KLHL1: variants seen among roughly 807,000 people sequenced by gnomAD.
KLHL1 encodes kelch like family member 1.
Under a neutral mutation model 77.7 loss-of-function variants are expected in KLHL1, and 47 were observed. That is an observed-to-expected ratio of 0.60 (90% CI 0.48 to 0.77). KLHL1 has a LOEUF of 0.77. Ranked by LOEUF, KLHL1 falls within the 30% of genes least tolerant of loss-of-function variation. KLHL1 has a pLI of 0.00. For missense variants in KLHL1, 925 were observed against 910.8 expected, an observed-to-expected ratio of 1.02 and a Z score of -0.20; for synonymous variants, 360 against 325.2, an observed-to-expected ratio of 1.11 and a Z score of -1.15.
At chr13:69,873,840 T>C (rs1880670636) in intron 5 of KLHL1, among the ~76,000 whole-genome samples, 1 of 152,136 alleles carries the variant, frequency 6.6e-6, no homozygotes, top group African/African-American at 2.4e-5. Flanking sequence ...AAAATTTGAG[T>C]ATTGTCTGTG....
chr13:69,793,821 CA>C (rs577091439), intron 7 of KLHL1, among the ~76,000 whole-genome samples: 19 of 152,110 alleles, frequency 1.2e-4, no homozygotes, highest in Non-Finnish European at 2.5e-4. Flanking sequence ...AGCCTGACAT[CA>C]TTTGTGACGT....
intron 4 of KLHL1, among the ~76,000 whole-genome samples, chr13:69,909,283 C>T (rs935942599): frequency 6.6e-6 from 1 of 151,828 alleles, no homozygotes; most frequent in Non-Finnish European, 1.5e-5. Context: ...AATAAGCACA[C>T]TTACAGATGC....
chr13:69,807,509 T>C (rs1260890803), intron 6 of KLHL1, among the ~76,000 whole-genome samples: 1 of 152,082 alleles, frequency 6.6e-6, no homozygotes, highest in African/African-American at 2.4e-5. Context: ...TAGACTGCTG[T>C]TGTTAGACTG....
At chr13:69,771,398 G>A (rs1875559117) in intron 7 of KLHL1, among the ~76,000 whole-genome samples, 1 of 151,764 alleles carries the variant, frequency 6.6e-6, no homozygotes, top group Non-Finnish European at 1.5e-5. Context: ...AACTTTTAAT[G>A]AGCTACTTTA....
chr13:69,933,675 A>C (rs1416458746), intron 4 of KLHL1, among the ~76,000 whole-genome samples: 2 of 152,130 alleles, frequency 1.3e-5, no homozygotes, highest in Non-Finnish European at 2.9e-5. Context: ...TCCACCCTTC[A>C]AAGCTACTTA....
chr13:70,006,507 T>TG lies in KLHL1; in HGVS notation c.498-30706_498-30705insC, dbSNP rs1415002616. ...TCGAAAGTATTCCCCCTCAAGTTTT[T>TG]TTTTTTTTTTCAAAGAGTTTGAGAA... is the stretch of plus-strand genomic sequence containing the variant. On this transcript the variant is annotated intron_variant, in intron 1 of 10. Transcript: ENST00000377844. Among the ~76,000 whole-genome samples, 25 of 151,632 alleles carry TG rather than the reference T, an allele frequency of 1.6e-4. 1 individual carries two copies. In the South Asian group the frequency reaches 5.0e-3, roughly 30 times the overall value.
At chr13:69,883,226 G>A (rs1881067825) in intron 4 of KLHL1, among the ~76,000 whole-genome samples, 1 of 151,940 alleles carries the variant, frequency 6.6e-6, no homozygotes, top group African/African-American at 2.4e-5. Context: ...GTTTTGTTTT[G>A]TTTTATTATT....
intron 1 of KLHL1, among the ~76,000 whole-genome samples, chr13:70,011,810 G>T (rs979920321): frequency 6.6e-6 from 1 of 152,024 alleles, no homozygotes; most frequent in Admixed American, 6.6e-5. Context: ...TAAATTTGGG[G>T]GTTCCGTATT....
chr13:69,886,038 G>A (rs1187557730), intron 4 of KLHL1, among the ~76,000 whole-genome samples: 1 of 152,064 alleles, frequency 6.6e-6, no homozygotes. Flanking sequence ...GAAAATTGGT[G>A]GGAAATAACA....
chr13:69,795,722 A>T (rs1441057283), intron 7 of KLHL1, among the ~76,000 whole-genome samples: 2 of 152,182 alleles, frequency 1.3e-5, no homozygotes, highest in African/African-American at 4.8e-5. Flanking sequence ...CAAATCATGC[A>T]AATAGAAAGT....
intron 1 of KLHL1, among the ~76,000 whole-genome samples, chr13:70,092,412 C>A (rs186708065): frequency 6.6e-6 from 1 of 152,140 alleles, no homozygotes; most frequent in East Asian, 1.9e-4. Flanking sequence ...GTTTCCAAAG[C>A]CTTACTCTCT....
rs1439576595 is a variant in KLHL1 at position 69,796,605 on chromosome 13, A to G, written c.1639+133T>C. On this transcript the variant is annotated intron_variant, in intron 7 of 10. Transcript: ENST00000377844. ...GTGAGCCAAGAAATTTTTCTATGTT[A>G]ATTACCCAGGTTCAGGTATTCCTTT... is the stretch of plus-strand genomic sequence containing the variant. The G allele has an allele frequency of 2.0e-5, 14 of 692,572 alleles. No homozygotes were observed. In the Admixed American group the frequency reaches 4.2e-4, roughly 21 times the overall value. The allele number at this position is 692,572 out of a possible 1,614,324, so 42.9% of individuals were successfully genotyped here.
intron 6 of KLHL1, among the ~76,000 whole-genome samples, chr13:69,798,003 A>G (rs1877201479): frequency 6.6e-6 from 1 of 152,222 alleles, no homozygotes; most frequent in Admixed American, 6.5e-5. Flanking sequence ...AATTGAAAGA[A>G]GCAGCTAAAT....
intron 1 of KLHL1, among the ~76,000 whole-genome samples, chr13:70,103,958 A>G (rs1566578470): frequency 1.3e-5 from 2 of 152,186 alleles, no homozygotes; most frequent in Non-Finnish European, 2.9e-5. Flanking sequence ...GATGGTAGCT[A>G]AAACCATGGG....
intron 7 of KLHL1, among the ~76,000 whole-genome samples, chr13:69,788,401 T>C (rs1566254750): frequency 6.6e-6 from 1 of 152,040 alleles, no homozygotes; most frequent in Non-Finnish European, 1.5e-5. Context: ...CTCAGCAAAC[T>C]ATCACAAGGA....
intron 5 of KLHL1, among the ~76,000 whole-genome samples, chr13:69,873,808 A>T (rs1880669504): frequency 6.6e-6 from 1 of 152,094 alleles, no homozygotes; most frequent in South Asian, 2.1e-4. Context: ...CCAAGAATAA[A>T]CTTGTATTTG....
rs186390896 is a variant in KLHL1, at chr13:69,974,119, A to G, written c.680+1501T>C. On this transcript the variant is annotated intron_variant, in intron 2 of 10. Coordinates refer to ENST00000377844, the MANE Select transcript of KLHL1 (RefSeq NM_020866.3). ...ACTCTTTAAAATAGTAATGTACTTA[A>G]GTTTATCACTTAACAGTGTAAAGAA... Among the ~76,000 whole-genome samples, 328 of 152,122 alleles carry G rather than the reference A, an allele frequency of 2.2e-3. 2 individuals carry two copies. Among genetic ancestry groups the G allele is most frequent in the African/African-American group, 7.4e-3 (306 of 41,542 alleles).
At chr13:69,938,734 T>C (rs1304489893) in intron 4 of KLHL1, among the ~76,000 whole-genome samples, 1 of 152,146 alleles carries the variant, frequency 6.6e-6, no homozygotes, top group Non-Finnish European at 1.5e-5. Context: ...GTGTCTGTCA[T>C]GGAAAATTTC....
At chr13:69,779,389 T>A (rs907904382) in intron 7 of KLHL1, among the ~76,000 whole-genome samples, 104 of 131,894 alleles carry the variant, frequency 7.9e-4, no homozygotes, top group African/African-American at 2.7e-3. Context: ...TCTCCTCCCC[T>A]GTCCTCCCCT....
Sources: gnomAD v4.1 joint callset for allele counts (sites outside exome capture counted in the v4.1 genomes callset) on GRCh38, gnomAD v4.1.1 for gene constraint, MANE v1.5 for transcripts, NCBI Gene and HGNC (gene_info 2026-07-23, HGNC 2026-07-21) for gene names.